Variants in NAALAD2 observed in about 807,000 individuals in gnomAD.
NAALAD2 encodes the protein N-acetylated alpha-linked acidic dipeptidase 2.
A neutral mutation model predicts 95.6 loss-of-function variants in NAALAD2; 89 were observed. That is an observed-to-expected ratio of 0.93 (90% confidence interval 0.78 to 1.11). NAALAD2 has a LOEUF of 1.11. Ranked by LOEUF, NAALAD2 falls within the 50% of genes least tolerant of loss-of-function variation. The pLI is 0.00. For missense variants in NAALAD2, 894 were observed against 872.4 expected (o/e 1.02, Z -0.31); for synonymous variants, 264 against 294.4 (o/e 0.90, Z 1.06).
intron 6 of NAALAD2, among the ~76,000 whole-genome samples, chr11:90,157,487 T>C (rs188531971): frequency 6.6e-6 from 1 of 152,266 alleles, no homozygotes; most frequent in Admixed American, 6.5e-5. Flanking sequence ...TTTTTTCCAA[T>C]TATTTATAGT....
chr11:90,189,395 A>T (rs1857256640), intron 18 of NAALAD2, among the ~76,000 whole-genome samples: 1 of 152,250 alleles, frequency 6.6e-6, no homozygotes, highest in Admixed American at 6.5e-5. Flanking sequence ...AGGATTAAAT[A>T]AAGCTTCCTT....
intron 18 of NAALAD2, among the ~76,000 whole-genome samples, chr11:90,184,509 G>A (rs1244488162): frequency 6.6e-6 from 1 of 152,028 alleles, no homozygotes; most frequent in African/African-American, 2.4e-5. Flanking sequence ...TATTTATATG[G>A]ATCAAACAAA....
At chr11:90,170,827 T>C (rs1952610854) in intron 13 of NAALAD2, among the ~76,000 whole-genome samples, 1 of 152,072 alleles carries the variant, frequency 6.6e-6, no homozygotes, top group Non-Finnish European at 1.5e-5. Flanking sequence ...ATGTGGAGGT[T>C]TAAAAGAACG....
intron 6 of NAALAD2, among the ~76,000 whole-genome samples, chr11:90,155,589 TATATGTA>T (rs1952075081): frequency 1.3e-5 from 1 of 76,988 alleles, no homozygotes; most frequent in African/African-American, 7.0e-5. Context: ...ATATGTAATA[TATATGTA>T]ATAATATATA....
chr11:90,156,051 T>C (rs1278773130), intron 6 of NAALAD2, among the ~76,000 whole-genome samples: 2 of 151,692 alleles, frequency 1.3e-5, no homozygotes, highest in East Asian at 3.9e-4. Context: ...TTTTGTACTA[T>C]TCTTCTGTCT....
intron 18 of NAALAD2, among the ~76,000 whole-genome samples, chr11:90,189,815 A>G (rs1293538358): frequency 6.6e-6 from 1 of 152,120 alleles, no homozygotes; most frequent in East Asian, 1.9e-4. Flanking sequence ...ATCAGTGAAT[A>G]CTTACTATGT....
Position 90,192,797 on chromosome 11 carries a change from A to G in NAALAD2, c.*1050A>G, listed in dbSNP as rs1310719429. Reference sequence around the variant, plus strand: ...ATATTCTAACTCCTATAAAGACTGTATATCAGAATCTGCAAACTTTTATGC... The same window carrying G: ...ATATTCTAACTCCTATAAAGACTGTGTATCAGAATCTGCAAACTTTTATGC... On this transcript the variant is annotated 3_prime_UTR_variant, in exon 19 of 19. Transcript: ENST00000534061. 6.6e-6 allele frequency: 1 copy of G among 152,030 alleles called. No homozygotes were observed. Among genetic ancestry groups the G allele is most frequent in the Non-Finnish European group, 1.5e-5 (1 of 67,898 alleles). The allele number at this position is 152,030 out of a possible 1,614,324, so 9.4% of individuals were successfully genotyped here. A position where few individuals can be genotyped will look rare whatever the true frequency, so the allele number is the denominator to read the frequency against.
intron 16 of NAALAD2, among the ~76,000 whole-genome samples, chr11:90,181,236 A>G (rs924932450): frequency 3.3e-5 from 5 of 150,842 alleles, no homozygotes; most frequent in African/African-American, 9.7e-5. Flanking sequence ...AAGAATTGGT[A>G]TTTTTTTTTG....
At chr11:90,150,680 C>T in intron 5 of NAALAD2, 73 bp downstream of exon 5, 1 of 1,295,286 alleles carries the variant, frequency 7.7e-7, no homozygotes, top group Non-Finnish European at 1.0e-6. Flanking sequence ...GACCAACTTG[C>T]TTCTCTGTTT....
At chr11:90,150,370 A>G (rs1951855219) in intron 4 of NAALAD2, 112 bp from the exon 5 acceptor site, 1 of 578,996 alleles carries the variant, frequency 1.7e-6, no homozygotes, top group African/African-American at 1.9e-5. Context: ...ATTACTCCCC[A>G]AATAAAGAAA....
chr11:90,184,200 CTTTCTTATAAATG>C (rs1471181697), intron 18 of NAALAD2, among the ~76,000 whole-genome samples: 1 of 152,042 alleles, frequency 6.6e-6, no homozygotes, highest in Non-Finnish European at 1.5e-5. Context: ...TATATGTTAC[CTTTCTTATAAATG>C]TTAATGATTA....
rs1245056323 is a variant in NAALAD2, at chr11:90,163,326, G to C, written c.1092G>C (p.Leu364=). The C allele has an allele frequency of 6.2e-7, 1 of 1,613,640 alleles. No individual in the cohort carries two copies. The highest frequency in any genetic ancestry group is 8.5e-7 in the Non-Finnish European group (1 of 1,179,710). Residue 364 remains leucine (L), a synonymous_variant, in exon 10 of 19, where the codon CTG becomes CTC. Coordinates refer to ENST00000534061, the MANE Select transcript of NAALAD2 (RefSeq NM_005467.4). Reference sequence around the variant, plus strand: ...ATTTTCCAGACAGGTATGTTATTCTGGGAGGTCACCGGGACTCCTGGGTAT... The same window carrying C: ...ATTTTCCAGACAGGTATGTTATTCTCGGAGGTCACCGGGACTCCTGGGTAT... ...GSVEPDRYVI[L]GGHRDSWVFG...
intron 2 of NAALAD2, among the ~76,000 whole-genome samples, chr11:90,140,285 A>T (rs1412060176): frequency 6.6e-6 from 1 of 152,076 alleles, no homozygotes; most frequent in African/African-American, 2.4e-5. Context: ...TTGTATCTTT[A>T]TGTTTGTTTA....
chr11:90,156,591 A>G (rs1952124996), intron 6 of NAALAD2, among the ~76,000 whole-genome samples: 1 of 151,990 alleles, frequency 6.6e-6, no homozygotes. Flanking sequence ...ATTTTATGTT[A>G]GAGACAAGAT....
intron 6 of NAALAD2, among the ~76,000 whole-genome samples, chr11:90,156,697 T>G (rs1952127575): frequency 6.6e-6 from 1 of 152,118 alleles, no homozygotes. Flanking sequence ...GTGATTCTCC[T>G]GCCCCAGCCT....
At chr11:90,188,965 G>C (rs1857243444) in intron 18 of NAALAD2, among the ~76,000 whole-genome samples, 1 of 152,154 alleles carries the variant, frequency 6.6e-6, no homozygotes, top group African/African-American at 2.4e-5. Context: ...TGACAAAGAG[G>C]AATTAAGGTG....
In NAALAD2 at chr11:90,134,738, A is replaced by C. The variant is rs1347979931; in HGVS notation, c.-21A>C. ...AGCTCGCGAATGTAGCAGGCGCCCCAAGCTCGGTCCTCAAGAAGCCATGGC... is the reference window on the plus strand; with the variant it reads ...AGCTCGCGAATGTAGCAGGCGCCCCCAGCTCGGTCCTCAAGAAGCCATGGC... On this transcript the variant is annotated 5_prime_UTR_variant, in exon 1 of 19. Transcript: ENST00000534061. 3 of 1,612,930 alleles carry C rather than the reference A, an allele frequency of 1.9e-6. No homozygotes were observed. The highest frequency in any genetic ancestry group is 3.7e-4 in the Middle Eastern group (2 of 5,362).
At chr11:90,182,066 C>T (rs774857441) in intron 17 of NAALAD2, among the ~76,000 whole-genome samples, 1 of 152,084 alleles carries the variant, frequency 6.6e-6, no homozygotes, top group East Asian at 1.9e-4. Flanking sequence ...ATTCTGACTA[C>T]AGCTGTAAAT....
At chr11:90,166,201 C>T (rs1234363660) in intron 11 of NAALAD2, among the ~76,000 whole-genome samples, 1 of 152,178 alleles carries the variant, frequency 6.6e-6, no homozygotes, top group African/African-American at 2.4e-5. Flanking sequence ...TTTTAGAAAG[C>T]TAACAAGCTA....
Sources: allele counts gnomAD v4.1 joint callset (sites outside exome capture counted in the v4.1 genomes callset), GRCh38; gene constraint gnomAD v4.1.1; transcripts MANE v1.5; gene names NCBI Gene and HGNC (gene_info 2026-07-23, HGNC 2026-07-21).